Variants in GLI4 observed in about 807,000 individuals in gnomAD.
GLI4 encodes the protein GLI family zinc finger 4.
Under a neutral mutation model 30.9 loss-of-function variants are expected in GLI4, and 34 were observed. The ratio of observed to expected loss-of-function variants is 1.10; its 90% CI spans 0.84 to 1.47. The LOEUF (loss-of-function observed/expected upper bound fraction) is 1.47. GLI4 is among the 40% of genes most tolerant of loss of function. The pLI is 0.00. For missense variants in GLI4, 696 were observed against 538.9 expected (o/e 1.29, Z -2.89); for synonymous variants, 277 against 236.7 (o/e 1.17, Z -1.56).
Position 143,276,864 on chromosome 8 carries a change from C to G in GLI4, c.*60C>G. 9.0e-7 allele frequency: 1 copy of G among 1,106,604 alleles called. No homozygotes were observed. The highest frequency in any genetic ancestry group is 1.3e-6 in the Non-Finnish European group (1 of 789,796). 68.5% of individuals were successfully genotyped at this position (1,106,604 alleles called of 1,614,324 possible). A position where few individuals can be genotyped will look rare whatever the true frequency, so the allele number is the denominator to read the frequency against. ...CCCCCAACCCACCCTCCACCCCGTC[C>G]CCCACGGTGGGCACTGCCCAGCACC... is the stretch of plus-strand genomic sequence containing the variant. On this transcript the variant is annotated 3_prime_UTR_variant, in exon 4 of 4. Coordinates refer to ENST00000340042, the MANE Select transcript of GLI4 (RefSeq NM_138465.4).
At position 143,269,398 on chromosome 8, in the gene GLI4, TGGC is replaced by T. The variant is rs1815215048; in HGVS notation, c.3_5del (p.MetAla1_?2). The T allele has an allele frequency of 6.2e-7, 1 of 1,611,944 alleles. No homozygotes were observed. Among genetic ancestry groups the T allele is most frequent in the Admixed American group, 1.7e-5 (1 of 59,904 alleles). ...CACCTTCAGCAGGTCTCAGGGAAGATGGCAGCCCTAGGGGACATTCAGGAGTCC... is the reference window on the plus strand; with the variant it reads ...CACCTTCAGCAGGTCTCAGGGAAGATAGCCCTAGGGGACATTCAGGAGTCC... On this transcript the variant is annotated start_lost and inframe_deletion, in exon 2 of 4. Coordinates refer to ENST00000340042, the MANE Select transcript of GLI4 (RefSeq NM_138465.4).
Position 143,275,898 on chromosome 8 carries a change from C to G in GLI4, c.225C>G (p.Asp75Glu). The change falls in exon 4 of 4, where the codon GAC becomes GAG. Residue 75 changes from aspartate to glutamate, a missense_variant and splice_region_variant. Coordinates refer to ENST00000340042, the MANE Select transcript of GLI4 (RefSeq NM_138465.4). Reference sequence around the variant, plus strand: ...CGCCTCTGCCGTTTCTCATTTCAGACTCCGAGCCCAAGCCGGAGCAGGCTC... The same window carrying G: ...CGCCTCTGCCGTTTCTCATTTCAGAGTCCGAGCCCAAGCCGGAGCAGGCTC... The part of the protein sequence containing the change: ...VEIGRDTFWP[D>E]SEPKPEQAPR... The G allele has an allele frequency of 3.1e-6, 4 of 1,294,208 alleles. No homozygotes were observed. Among genetic ancestry groups the G allele is most frequent in the Non-Finnish European group, 3.9e-6 (4 of 1,018,650 alleles). 80.2% of individuals were successfully genotyped at this position (1,294,208 alleles called of 1,614,324 possible). A position where few individuals can be genotyped will look rare whatever the true frequency, so the allele number is the denominator to read the frequency against.
rs1815397795 is a variant in GLI4 at position 143,276,721 on chromosome 8, C to T, written c.1048C>T (p.Pro350Ser). 6.2e-7 allele frequency: 1 copy of T among 1,610,456 alleles called. No homozygotes were observed. The highest frequency in any genetic ancestry group is 8.5e-7 in the Non-Finnish European group (1 of 1,178,848). The change falls in exon 4 of 4, where the codon CCC (proline) becomes TCC (serine). Residue 350 changes from proline (P) to serine (S), a missense_variant. Pro to Ser is a moderately conservative substitution (Grantham distance 74). Transcript: ENST00000340042. ...RHLRTHTGEK[P>S]FACGACGKAF... ...CCTGCGGACCCACACGGGCGAGAAG[C>T]CCTTCGCGTGTGGCGCCTGCGGCAA...
At chr8:143,274,444 T>G in intron 2 of GLI4, 1 of 315,236 alleles carries the variant, frequency 3.2e-6, no homozygotes, top group Middle Eastern at 8.5e-4. Context: ...TCCCCCAGGT[T>G]TTGGCTCTGC....
chr8:143,276,273 G>A lies in GLI4; in HGVS notation c.600G>A (p.Lys200=). 6.2e-7 allele frequency: 1 copy of A among 1,612,214 alleles called. No homozygotes were observed. Among genetic ancestry groups the A allele is most frequent in the South Asian group, 1.1e-5 (1 of 91,036 alleles). Residue 200 remains lysine (K), a synonymous_variant, in exon 4 of 4, where the codon AAG becomes AAA. Coordinates refer to ENST00000340042, the MANE Select transcript of GLI4 (RefSeq NM_138465.4). ...KSFKYNSLLL[K]HQRIHTGEKP... is the part of the protein sequence containing the mutation. ...TCAAGTATAACTCGCTGCTCCTGAA[G>A]CACCAGCGCATCCACACGGGCGAGA...
intron 1 of GLI4, among the ~76,000 whole-genome samples, chr8:143,268,255 C>T (rs1312183427): frequency 6.6e-6 from 1 of 152,208 alleles, no homozygotes; most frequent in African/African-American, 2.4e-5. Context: ...CTGCCTCTCC[C>T]ACTTCCTCGA....
intron 2 of GLI4, among the ~76,000 whole-genome samples, chr8:143,271,768 G>A (rs1178461403): frequency 6.6e-6 from 1 of 152,156 alleles, no homozygotes; most frequent in Admixed American, 6.5e-5. Context: ...GGGTCGTGAG[G>A]GGCATGAGGA....
Position 143,274,697 on chromosome 8 carries a change from C to T in GLI4, c.125-7C>T, listed in dbSNP as rs1460220699. On this transcript the variant is annotated splice_region_variant and splice_polypyrimidine_tract_variant and intron_variant, in intron 2 of 3. Transcript: ENST00000340042. The stretch of plus-strand genomic sequence containing the variant: ...TGGAGGTGAGCCCCAGCCTCCCTGA[C>T]CCCCAGGCTCCCCTGGCTCCAGCCC... The T allele has an allele frequency of 1.3e-6, 2 of 1,547,646 alleles. No individual in the cohort carries two copies. Among genetic ancestry groups the T allele is most frequent in the South Asian group, 2.4e-5 (2 of 84,514 alleles).
chr8:143,276,114 C>G lies in GLI4; in HGVS notation c.441C>G (p.Leu147=), dbSNP rs575451232. ...AQPRGAWRVT[L]VQQAAAGPEG... ...CGCGGGGCGCCTGGCGCGTGACGCT[C>G]GTGCAGCAAGCAGCGGCCGGGCCCG... Residue 147 remains leucine, a synonymous_variant, in exon 4 of 4, where the codon CTC becomes CTG. Coordinates refer to ENST00000340042, the MANE Select transcript of GLI4 (RefSeq NM_138465.4). 2.9e-5 allele frequency: 43 copies of G among 1,497,704 alleles called. 1 individual carries two copies. In the East Asian group the frequency reaches 1.1e-3, roughly 38 times the overall value. The allele number at this position is 1,497,704 out of a possible 1,614,324, so 92.8% of individuals were successfully genotyped here.
At chr8:143,275,171 C>T in intron 3 of GLI4, 3 of 1,535,732 alleles carry the variant, frequency 2.0e-6, no homozygotes, top group Non-Finnish European at 1.7e-6. Context: ...ATCCTGTGTC[C>T]CCTCCTCCTC....
rs1273975460 is a variant in GLI4, at chr8:143,276,289, A to C, written c.616A>C (p.Thr206Pro). The change falls in exon 4 of 4, where the codon ACG (threonine) becomes CCG (proline). Residue 206 changes from threonine to proline, a missense_variant. Transcript: ENST00000340042. The stretch of plus-strand genomic sequence containing the variant: ...GCTCCTGAAGCACCAGCGCATCCAC[A>C]CGGGCGAGAAGCCCTACGCCTGCCA... The part of the protein sequence containing the change: ...SLLLKHQRIH[T>P]GEKPYACHEC... 4.3e-6 allele frequency: 7 copies of C among 1,611,770 alleles called. No individual in the cohort carries two copies. The highest frequency in any genetic ancestry group is 1.1e-5 in the South Asian group (1 of 90,982).
In GLI4 at chr8:143,274,729, G is replaced by C. The variant is rs34582236; in HGVS notation, c.150G>C (p.Val50=). The C allele has an allele frequency of 4.5e-3, 7,120 of 1,565,734 alleles. 260 individuals carry two copies. In the African/African-American group the frequency reaches 0.082, roughly 18 times the overall value. ...QHGSPGSSPK[V]LSQPSDLDLQ... is the part of the protein sequence containing the mutation. ...GCTCCCCTGGCTCCAGCCCTAAGGT[G>C]CTCTCCCAGCCGTCCGACCTGGATC... Residue 50 remains valine, a synonymous_variant, in exon 3 of 4, where the codon GTG becomes GTC. Transcript: ENST00000340042.
rs1431169300 is a variant in GLI4, at chr8:143,276,064, C to A, written c.391C>A (p.Pro131Thr). ...SSAERPAGQPPGAVPCAQPRG... is the reference protein window; with the variant it reads ...SSAERPAGQPTGAVPCAQPRG... Reference sequence around the variant, plus strand: ...CGCGGAGCGGCCGGCGGGCCAGCCGCCTGGGGCCGTCCCTTGCGCCCAGCC... The same window carrying A: ...CGCGGAGCGGCCGGCGGGCCAGCCGACTGGGGCCGTCCCTTGCGCCCAGCC... Residue 131 changes from proline (P) to threonine (T), a missense_variant, in exon 4 of 4, where the codon CCT becomes ACT. Pro to Thr is a conservative substitution (Grantham distance 38). Transcript: ENST00000340042. 4 of 1,389,768 alleles carry A rather than the reference C, an allele frequency of 2.9e-6. No individual in the cohort carries two copies. The highest frequency in any genetic ancestry group is 3.7e-6 in the Non-Finnish European group (4 of 1,082,190). 86.1% of individuals were successfully genotyped at this position (1,389,768 alleles called of 1,614,324 possible).
Position 143,276,303 on chromosome 8 carries a change from C to T in GLI4, c.630C>T (p.Pro210=), listed in dbSNP as rs201598073. Residue 210 remains proline, a synonymous_variant, in exon 4 of 4, where the codon CCC becomes CCT. Coordinates refer to ENST00000340042, the MANE Select transcript of GLI4 (RefSeq NM_138465.4). ...AGCGCATCCACACGGGCGAGAAGCC[C>T]TACGCCTGCCACGAGTGCGGCAAGC... The part of the protein sequence containing the change: ...KHQRIHTGEK[P]YACHECGKRF... 707 of 1,611,834 alleles carry T rather than the reference C, an allele frequency of 4.4e-4. 9 individuals are homozygous for T. The East Asian group carries it at 8.5e-3, about 19-fold the overall frequency.
chr8:143,268,592 A>C (rs1460626146), intron 1 of GLI4, among the ~76,000 whole-genome samples: 1 of 152,120 alleles, frequency 6.6e-6, no homozygotes, highest in Admixed American at 6.5e-5. Context: ...CCTTATTAAG[A>C]TTTCCTCCAA....
chr8:143,275,272 C>A, intron 3 of GLI4: 1 of 1,507,092 alleles, frequency 6.6e-7, no homozygotes, highest in Non-Finnish European at 8.8e-7. Context: ...AGGGTTCCCT[C>A]TGGGCGATGT....
chr8:143,276,790 C>G lies in GLI4; in HGVS notation c.1117C>G (p.His373Asp). 1 of 1,575,456 alleles carries G rather than the reference C, an allele frequency of 6.3e-7. No individual in the cohort carries two copies. Among genetic ancestry groups the G allele is most frequent in the Non-Finnish European group, 8.6e-7 (1 of 1,161,938 alleles). ...SSQLIQHQRV[H>D]YRE ...CCAGCTCATCCAGCACCAGCGGGTG[C>G]ACTACCGCGAGTAGCCGGGCGGGGG... Residue 373 changes from histidine (H) to aspartate (D), a missense_variant, in exon 4 of 4, where the codon CAC becomes GAC. Transcript: ENST00000340042.
Position 143,276,663 on chromosome 8 carries a change from A to AG in GLI4, c.991dup (p.Ala331GlyfsTer83), listed in dbSNP as rs770201947. The AG allele has an allele frequency of 5.6e-6, 9 of 1,608,020 alleles. No homozygotes were observed. The South Asian group carries it at 8.8e-5, about 16-fold the overall frequency. On this transcript the variant is annotated frameshift_variant, in exon 4 of 4. Transcript: ENST00000340042. LOFTEE classifies it high-confidence loss of function. ...CCTACGAGTGCTCCGACTGCGGCAA[A>AG]GCCTTCCGCGGCCGCTCGCACTTCT...
intron 1 of GLI4, among the ~76,000 whole-genome samples, chr8:143,268,742 G>C (rs1462047897): frequency 6.6e-6 from 1 of 152,172 alleles, no homozygotes; most frequent in Non-Finnish European, 1.5e-5. Flanking sequence ...CAGAGCCTCT[G>C]CTGGGACAGG....
Sources: gnomAD v4.1 joint callset for allele counts (sites outside exome capture counted in the v4.1 genomes callset) on GRCh38, gnomAD v4.1.1 for gene constraint, MANE v1.5 for transcripts, NCBI Gene and HGNC (gene_info 2026-07-23, HGNC 2026-07-21) for gene names.